Variants in AGAP4 observed in about 807,000 individuals in gnomAD.
The protein encoded by AGAP4 is ArfGAP with GTPase domain, ankyrin repeat and PH domain 4.
Under a neutral mutation model 60.7 loss-of-function variants are expected in AGAP4, and 13 were observed. The ratio of observed to expected loss-of-function variants is 0.21; its 90% CI spans 0.14 to 0.34. The LOEUF (loss-of-function observed/expected upper bound fraction) is 0.34, where lower values mean the gene tolerates loss of function less well. Among genes scored for constraint, AGAP4 ranks in the 10% least tolerant of loss-of-function variants. The pLI is 1.00. For missense variants in AGAP4, 169 were observed against 884.0 expected (o/e 0.19, Z 10.26); for synonymous variants, 70 against 339.0 (o/e 0.21, Z 8.72).
upstream of AGAP4, among the ~76,000 whole-genome samples, chr10:45,851,492 T>C (rs1265906429): frequency 6.6e-6 from 1 of 151,930 alleles, no homozygotes; most frequent in Non-Finnish European, 1.5e-5. Context: ...GGCTTGTGTG[T>C]GTGTGTGTGA....
intron 6 of AGAP4, among the ~76,000 whole-genome samples, chr10:45,829,329 C>T (rs2337994): frequency 0.2 from 27,540 of 134,590 alleles, 4,088 homozygotes; most frequent in South Asian, 0.49. Context: ...TAACCAGAAG[C>T]GCTTTTTTTT....
Position 45,847,205 on chromosome 10 carries a change from G to T in AGAP4, c.143C>A (p.Ala48Asp). ...AACAGTCACCTCAGCAGGCTGTACAGCAGCAGCCATGGGCGCTCCTGCCAT... is the reference window on the plus strand; with the variant it reads ...AACAGTCACCTCAGCAGGCTGTACATCAGCAGCCATGGGCGCTCCTGCCAT... Reference protein sequence around the residue: ...DRMAGAPMAAAVQPAEVTVEV... With the variant: ...DRMAGAPMAADVQPAEVTVEV... The change falls in exon 1 of 8, where the codon GCT becomes GAT. Residue 48 changes from alanine (A) to aspartate (D), a missense_variant. Transcript: ENST00000616763. 3 of 1,600,706 alleles carry T rather than the reference G, an allele frequency of 1.9e-6. No individual in the cohort carries two copies. Among genetic ancestry groups the T allele is most frequent in the Admixed American group, 1.7e-5 (1 of 60,004 alleles).
upstream of AGAP4, among the ~76,000 whole-genome samples, chr10:45,850,580 A>AT (rs1287675744): frequency 6.6e-6 from 1 of 152,226 alleles, no homozygotes; most frequent in Non-Finnish European, 1.5e-5. Flanking sequence ...AACCAAACAA[A>AT]TTAAGAGACT....
rs1392621242 is a variant in AGAP4, at chr10:45,838,791, A to T, written c.396+2862T>A. ...AGGACTTGCGATGTTGACCAGGCTAAAAATGAACAAATCTTAATTAACTTA... is the reference window on the plus strand; with the variant it reads ...AGGACTTGCGATGTTGACCAGGCTATAAATGAACAAATCTTAATTAACTTA... On this transcript the variant is annotated intron_variant, in intron 4 of 7. Coordinates refer to ENST00000616763, the MANE Select transcript of AGAP4 (RefSeq NM_001276343.3). 2.0e-5 allele frequency among the ~76,000 whole-genome samples: 3 copies of T among 151,816 alleles called. 1 individual carries two copies. The highest frequency in any genetic ancestry group is 2.9e-5 in the Non-Finnish European group (2 of 67,950).
intron 3 of AGAP4, among the ~76,000 whole-genome samples, chr10:45,844,040 A>G (rs1385337489): frequency 3.3e-5 from 5 of 150,432 alleles, no homozygotes; most frequent in African/African-American, 1.0e-4. Context: ...AATTATAAAT[A>G]AAGATAAATC....
chr10:45,842,263 A>G (rs1460797624), intron 3 of AGAP4, among the ~76,000 whole-genome samples: 2 of 143,024 alleles, frequency 1.4e-5, no homozygotes, highest in African/African-American at 5.2e-5. Flanking sequence ...CTTTTTTGAG[A>G]TGGAGTCTCA....
At chr10:45,847,538 C>A (rs1443562376), upstream of AGAP4, 1 of 1,475,808 alleles carries the variant, frequency 6.8e-7, no homozygotes, top group Non-Finnish European at 8.9e-7. Flanking sequence ...GCTAGGGCTG[C>A]GGGCCAAGGC....
chr10:45,850,612 C>T (rs1186657017), upstream of AGAP4, among the ~76,000 whole-genome samples: 3 of 152,192 alleles, frequency 2.0e-5, no homozygotes, highest in African/African-American at 7.2e-5. Context: ...CAGAGTAATG[C>T]TAAGGGCAGT....
At position 45,831,643 on chromosome 10, in the gene AGAP4, C is replaced by G. The variant is rs1346829058; in HGVS notation, c.498-214G>C. ...CAAGGAAATATGCCGTTAGAAGACG[C>G]GTTTCTGTTGGTGATTACAATATAT... is the stretch of plus-strand genomic sequence containing the variant. On this transcript the variant is annotated intron_variant, in intron 5 of 7. Transcript: ENST00000616763. Among the ~76,000 whole-genome samples the G allele has an allele frequency of 2.2e-4, 27 of 124,544 alleles. 1 individual carries two copies. The highest frequency in any genetic ancestry group is 3.1e-4 in the Non-Finnish European group (18 of 57,646). The allele number at this position is 124,544 out of a possible 152,430, so 81.7% of individuals were successfully genotyped here.
chr10:45,851,495 G>C (rs2059083577), upstream of AGAP4, among the ~76,000 whole-genome samples: 1 of 152,008 alleles, frequency 6.6e-6, no homozygotes, highest in Non-Finnish European at 1.5e-5. Context: ...TTGTGTGTGT[G>C]TGTGTGAGCG....
chr10:45,837,783 A>G (rs1371538380), intron 4 of AGAP4, among the ~76,000 whole-genome samples: 1 of 151,296 alleles, frequency 6.6e-6, no homozygotes, highest in African/African-American at 2.4e-5. Flanking sequence ...ATAACATTGG[A>G]AAAACCCGTC....
At chr10:45,849,484 TTATTA>T (rs1356103989), upstream of AGAP4, among the ~76,000 whole-genome samples, 2 of 150,736 alleles carry the variant, frequency 1.3e-5, no homozygotes, top group African/African-American at 4.9e-5. Context: ...ATTATTATTA[TTATTA>T]TTATTATTAT....
chr10:45,842,654 G>A (rs2058938289), intron 3 of AGAP4, among the ~76,000 whole-genome samples: 2 of 147,046 alleles, frequency 1.4e-5, no homozygotes, highest in South Asian at 2.1e-4. Flanking sequence ...AGCCCCAAGA[G>A]GGACTTGGGC....
chr10:45,854,560 G>C (rs1554900827), upstream of AGAP4: 2 of 148,392 alleles, frequency 1.3e-5, no homozygotes, highest in Non-Finnish European at 3.0e-5. Context: ...CTTGAACCTG[G>C]GAGGCAGAGG....
intron 1 of AGAP4, chr10:45,853,534 T>C (rs2059108677): frequency 1.7e-6 from 2 of 1,166,882 alleles, no homozygotes; most frequent in Admixed American, 3.2e-5. Context: ...CAAATACATA[T>C]GCTCAGATTT....
At chr10:45,852,217 T>TAAAAAAAAAAAAA (rs781889843), upstream of AGAP4, among the ~76,000 whole-genome samples, 29 of 91,706 alleles carry the variant, frequency 3.2e-4, no homozygotes, top group African/African-American at 1.5e-3. Context: ...GGCCAGACTT[T>TAAAAAAAAAAAAA]AAAAAAAAAA....
upstream of AGAP4, among the ~76,000 whole-genome samples, chr10:45,850,719 G>A (rs2059073027): frequency 6.6e-6 from 1 of 152,176 alleles, no homozygotes; most frequent in South Asian, 2.1e-4. Flanking sequence ...GGAAGTAGAA[G>A]GAAAACAGAG....
intron 4 of AGAP4, among the ~76,000 whole-genome samples, chr10:45,838,051 G>T (rs1251793404): frequency 2.7e-5 from 4 of 150,810 alleles, no homozygotes; most frequent in Admixed American, 1.3e-4. Flanking sequence ...GTCAATCAAT[G>T]AGTGGATAAA....
upstream of AGAP4, chr10:45,854,649 A>AG (rs1564868057): frequency 1.3e-5 from 2 of 150,344 alleles, no homozygotes; most frequent in East Asian, 3.9e-4. Flanking sequence ...AAAAAAAAAA[A>AG]AAAAAAAAAG....
Sources: allele counts gnomAD v4.1 joint callset (sites outside exome capture counted in the v4.1 genomes callset), GRCh38; gene constraint gnomAD v4.1.1; transcripts MANE v1.5; gene names NCBI Gene and HGNC (gene_info 2026-07-23, HGNC 2026-07-21).